Variants in ERICH1 observed in about 807,000 individuals in gnomAD.
ERICH1 encodes glutamate rich 1, also known as glutamate-rich protein 1.
A neutral mutation model predicts 39.6 loss-of-function variants in ERICH1; 56 were observed. The observed-to-expected ratio is 1.41, with a 90% CI of 1.14 to 1.77. The LOEUF (loss-of-function observed/expected upper bound fraction) is 1.77. Among genes scored for constraint, ERICH1 ranks in the 40% most tolerant of loss-of-function variants. The pLI, the probability that ERICH1 is intolerant of heterozygous loss-of-function variation, is 0.00. For synonymous variants in ERICH1, 313 were observed against 223.6 expected (o/e 1.40, Z -3.57); for missense variants, 826 against 575.4 (o/e 1.44, Z -4.45).
intron 3 of ERICH1, among the ~76,000 whole-genome samples, chr8:684,073 G>C (rs336441): frequency 0.26 from 39,239 of 152,096 alleles, 5,252 homozygotes; most frequent in Middle Eastern, 0.41. Flanking sequence ...CCATAAAACA[G>C]CTTGATAGAT....
At chr8:677,270 AC>A (rs747631932) in intron 3 of ERICH1, among the ~76,000 whole-genome samples, 40 of 152,006 alleles carry the variant, frequency 2.6e-4, no homozygotes, top group Non-Finnish European at 4.1e-4. Context: ...GGATGTAGAC[AC>A]CCCCCAGCTC....
rs556535261 is a variant in ERICH1, at chr8:707,352, T to C, written c.169+8509A>G. 7.9e-5 allele frequency among the ~76,000 whole-genome samples: 12 copies of C among 152,020 alleles called. No individual in the cohort carries two copies. In the South Asian group the frequency reaches 8.3e-4, roughly 11 times the overall value. ...CCTCCCAGGTAGCTGGGACTACAGG[T>C]ACCTGCCACCATGCCTGAATAATTT... On this transcript the variant is annotated intron_variant, in intron 2 of 5. Transcript: ENST00000262109.
chr8:683,844 T>C (rs1806707682), intron 3 of ERICH1, among the ~76,000 whole-genome samples: 1 of 152,230 alleles, frequency 6.6e-6, no homozygotes, highest in Non-Finnish European at 1.5e-5. Context: ...GAATACTTAC[T>C]AAACATGTGG....
At chr8:625,072 G>C (rs986866053) in intron 3 of ERICH1, among the ~76,000 whole-genome samples, 4 of 152,106 alleles carry the variant, frequency 2.6e-5, no homozygotes, top group African/African-American at 9.7e-5. Context: ...ACTGCCACAA[G>C]AACAGCGAGG....
intron 5 of ERICH1, 71 bp downstream of exon 5, chr8:668,527 T>C (rs767567656): frequency 2.8e-5 from 43 of 1,552,606 alleles, no homozygotes; most frequent in Non-Finnish European, 3.6e-5. Context: ...TGGTGGCGTG[T>C]AAGTCTTTCA....
At chr8:655,438 C>G (rs998745044) in intron 3 of ERICH1, among the ~76,000 whole-genome samples, 2 of 152,226 alleles carry the variant, frequency 1.3e-5, no homozygotes, top group African/African-American at 4.8e-5. Context: ...CTCACATAGA[C>G]TTACGTTCTT....
At chr8:668,480 T>TA (rs1241659891) in intron 5 of ERICH1, 118 bp downstream of exon 5, 1 of 955,024 alleles carries the variant, frequency 1.0e-6, no homozygotes, top group African/African-American at 1.6e-5. Context: ...TCCCATGCCA[T>TA]ATGTGCAGTG....
At chr8:698,586 A>C (rs1273681054) in intron 2 of ERICH1, among the ~76,000 whole-genome samples, 4 of 152,142 alleles carry the variant, frequency 2.6e-5, no homozygotes, top group Non-Finnish European at 4.4e-5. Context: ...CAAGGTGGTC[A>C]TTGAAAAATT....
chr8:674,279 G>GGATGTACAA (rs1804148323), intron 3 of ERICH1, among the ~76,000 whole-genome samples: 2 of 148,502 alleles, frequency 1.3e-5, no homozygotes, highest in South Asian at 4.3e-4. Context: ...GTGTTTTGAA[G>GGATGTACAA]GATGTACAAG....
chr8:729,080 G>C (rs1819430691), intron 1 of ERICH1, among the ~76,000 whole-genome samples: 1 of 152,180 alleles, frequency 6.6e-6, no homozygotes, highest in East Asian at 1.9e-4. Flanking sequence ...CAGCCTCAAA[G>C]CACAGCAGAG....
downstream of ERICH1, chr8:664,127 G>A (rs537249820): frequency 1.2e-4 from 71 of 586,252 alleles, no homozygotes; most frequent in Non-Finnish European, 1.4e-4. Flanking sequence ...AAAGAAAATC[G>A]AAACAGGAAA....
At chr8:660,043 G>A (rs933131733), downstream of ERICH1, among the ~76,000 whole-genome samples, 1 of 152,254 alleles carries the variant, frequency 6.6e-6, no homozygotes, top group Non-Finnish European at 1.5e-5. Flanking sequence ...GCCAGATACA[G>A]CTGCAGTGGA....
chr8:631,211 G>A (rs111315747), intron 3 of ERICH1, among the ~76,000 whole-genome samples: 17 of 152,246 alleles, frequency 1.1e-4, no homozygotes, highest in African/African-American at 3.4e-4. Context: ...GGGTGCCTGC[G>A]CCATCCTCTG....
chr8:671,658 C>T (rs75318483), intron 4 of ERICH1: 65,080 of 149,194 alleles, frequency 0.44, 14,823 homozygotes, highest in Non-Finnish European at 0.49. Flanking sequence ...TCTGAACCTG[C>T]CGGCCCCGGC....
intron 2 of ERICH1, among the ~76,000 whole-genome samples, chr8:703,241 T>C (rs1474123960): frequency 3.9e-5 from 6 of 151,996 alleles, no homozygotes; most frequent in Non-Finnish European, 1.5e-5. Flanking sequence ...CAGATGAAGG[T>C]GCAGGACAGA....
intron 3 of ERICH1, among the ~76,000 whole-genome samples, chr8:682,664 CTAACTT>C (rs1452949564): frequency 6.6e-6 from 1 of 152,348 alleles, no homozygotes; most frequent in East Asian, 1.9e-4. Flanking sequence ...TTCAGACACA[CTAACTT>C]TAAAAGGAGT....
chr8:628,849 C>T (rs1159960684), intron 3 of ERICH1, among the ~76,000 whole-genome samples: 3 of 152,176 alleles, frequency 2.0e-5, no homozygotes, highest in Non-Finnish European at 4.4e-5. Context: ...AAACAAGCCC[C>T]CTCTCCCAGC....
intron 1 of ERICH1, among the ~76,000 whole-genome samples, chr8:718,668 G>A (rs1255802997): frequency 1.3e-5 from 2 of 152,154 alleles, no homozygotes; most frequent in Non-Finnish European, 2.9e-5. Context: ...CACAAGCTCC[G>A]CCTTCTGTAA....
intron 3 of ERICH1, among the ~76,000 whole-genome samples, chr8:644,247 C>T (rs1388084187): frequency 6.6e-6 from 1 of 152,256 alleles, no homozygotes; most frequent in Non-Finnish European, 1.5e-5. Context: ...GCCTGGCCTC[C>T]TGCTCTTCGG....
Sources: gnomAD v4.1 joint callset for allele counts (sites outside exome capture counted in the v4.1 genomes callset) on GRCh38, gnomAD v4.1.1 for gene constraint, MANE v1.5 for transcripts, NCBI Gene and HGNC (gene_info 2026-07-23, HGNC 2026-07-21) for gene names.